The following ADCY8 variants were observed in gnomAD, a reference collection of about 807,000 sequenced individuals.
The protein encoded by ADCY8 is adenylate cyclase 8, also known as adenylate cyclase type 8.
In ADCY8, 51 loss-of-function variants were observed where a neutral mutation model predicts 119.7. That is an observed-to-expected ratio of 0.43 (90% CI 0.34 to 0.54). The LOEUF is 0.54. ADCY8 is among the 20% of genes least tolerant of loss of function. The pLI is 0.03. For missense variants in ADCY8, 1,383 were observed against 1,598.8 expected (o/e 0.87, Z 2.30); for synonymous variants, 665 against 651.0 (o/e 1.02, Z -0.33).
At chr8:130,798,666 A>G (rs1487205445) in intron 15 of ADCY8, among the ~76,000 whole-genome samples, 1 of 152,174 alleles carries the variant, frequency 6.6e-6, no homozygotes, top group East Asian at 1.9e-4. Context: ...GCAGGCAGGG[A>G]GAGCAGATAG....
intron 2 of ADCY8, among the ~76,000 whole-genome samples, chr8:130,967,316 T>C (rs1235412678): frequency 2.0e-5 from 3 of 152,186 alleles, no homozygotes; most frequent in Non-Finnish European, 4.4e-5. Context: ...CCCTAGGAAT[T>C]TTGGTTCTGC....
intron 2 of ADCY8, among the ~76,000 whole-genome samples, 153 bp from the exon 3 acceptor site, chr8:130,952,151 G>T (rs1314287151): frequency 6.6e-6 from 1 of 152,182 alleles, no homozygotes; most frequent in South Asian, 2.1e-4. Context: ...TATTTATTGA[G>T]TACTTATTAT....
chr8:131,026,076 A>T (rs1016544740), intron 1 of ADCY8, among the ~76,000 whole-genome samples: 11 of 152,218 alleles, frequency 7.2e-5, no homozygotes, highest in African/African-American at 1.9e-4. Context: ...TGCATTAATG[A>T]ATGATGGAAG....
At chr8:130,982,581 T>C (rs1053377383) in intron 2 of ADCY8, among the ~76,000 whole-genome samples, 11 of 152,218 alleles carry the variant, frequency 7.2e-5, no homozygotes, top group African/African-American at 2.7e-4. Flanking sequence ...ACAAAATGGT[T>C]TGACAACTTG....
intron 15 of ADCY8, among the ~76,000 whole-genome samples, chr8:130,792,422 T>C (rs1313053169): frequency 1.3e-5 from 2 of 152,236 alleles, no homozygotes; most frequent in Non-Finnish European, 2.9e-5. Flanking sequence ...CTGCATGCCC[T>C]GCCTTGACCT....
chr8:130,868,165 C>G (rs1350517753), intron 8 of ADCY8, among the ~76,000 whole-genome samples: 1 of 152,188 alleles, frequency 6.6e-6, no homozygotes, highest in African/African-American at 2.4e-5. Context: ...TTTGCATGAG[C>G]TTATCCAGTT....
intron 9 of ADCY8, among the ~76,000 whole-genome samples, chr8:130,862,318 A>T (rs1363446903): frequency 1.3e-5 from 2 of 152,104 alleles, no homozygotes; most frequent in Non-Finnish European, 2.9e-5. Flanking sequence ...CTTTTATAAT[A>T]TATGCATTTA....
rs867672271 is a variant in ADCY8, at chr8:130,849,663, G to A, written c.2351C>T (p.Ala784Val). The A allele has an allele frequency of 1.9e-6, 3 of 1,614,082 alleles. No individual in the cohort carries two copies. The highest frequency in any genetic ancestry group is 1.7e-5 in the Admixed American group (1 of 60,026). Residue 784 changes from alanine (A) to valine (V), a missense_variant, in exon 10 of 18, where the codon GCC becomes GTC. Coordinates refer to ENST00000286355, the MANE Select transcript of ADCY8 (RefSeq NM_001115.3). ...TCCWINETYL[A>V]RNVIIFASIL... ...GGATGCAAAGATGATGACGTTCCGG[G>A]CCAAATAGGTCTCATTAATCCAACA...
chr8:130,856,429 G>A (rs1301289388), intron 9 of ADCY8, among the ~76,000 whole-genome samples: 3 of 152,020 alleles, frequency 2.0e-5, no homozygotes, highest in Non-Finnish European at 4.4e-5. Context: ...CAACAGACAC[G>A]GCCGGGCCCT....
chr8:130,836,062 C>T (rs1037708956), intron 12 of ADCY8, among the ~76,000 whole-genome samples: 3 of 152,140 alleles, frequency 2.0e-5, no homozygotes, highest in Non-Finnish European at 4.4e-5. Flanking sequence ...TCAGTCCAAA[C>T]TTTGATTAAT....
intron 2 of ADCY8, among the ~76,000 whole-genome samples, chr8:130,953,057 T>C (rs1325822267): frequency 2.0e-5 from 3 of 152,204 alleles, no homozygotes; most frequent in African/African-American, 4.8e-5. Context: ...TGAATTAAAT[T>C]CTAAAAAGTC....
At position 130,800,459 on chromosome 8, in the gene ADCY8, G is replaced by A. The variant is rs1371851164; in HGVS notation, c.3027C>T (p.Arg1009=). Residue 1009 remains arginine (R), a synonymous_variant, in exon 15 of 18, where the codon CGC becomes CGT. Transcript: ENST00000286355. ...AGTCAGCAATGATCTCATTGAGCAA[G>A]CGCAGGCATTCCACTCCCTGGTTAT... ...EMNNQGVECL[R]LLNEIIADFD... 1.2e-6 allele frequency: 2 copies of A among 1,614,200 alleles called. No homozygotes were observed. The highest frequency in any genetic ancestry group is 1.7e-5 in the Admixed American group (1 of 60,034).
intron 12 of ADCY8, among the ~76,000 whole-genome samples, chr8:130,824,788 A>AT (rs1371385180): frequency 1.3e-5 from 2 of 151,602 alleles, no homozygotes; most frequent in African/African-American, 4.8e-5. Flanking sequence ...GTTTCTTGAA[A>AT]TTTTTTTTTA....
intron 1 of ADCY8, among the ~76,000 whole-genome samples, chr8:130,998,330 A>T (rs1301705161): frequency 1.3e-5 from 2 of 152,206 alleles, no homozygotes; most frequent in Non-Finnish European, 2.9e-5. Context: ...GAAAGAAGTG[A>T]GGGAGTCATC....
At chr8:130,943,497 G>GGGGGGGGGGCCCCCCCCCCCCCC in intron 3 of ADCY8, 35 bp from the exon 4 acceptor site, 1 of 491,350 alleles carries the variant, frequency 2.0e-6, no homozygotes, top group Non-Finnish European at 4.2e-6. Context: ...GTGGGGGGAG[G>GGGGGGGGGGCCCCCCCCCCCCCC]AAGTATATTA....
chr8:131,016,626 A>G (rs967546381), intron 1 of ADCY8, among the ~76,000 whole-genome samples: 1 of 152,170 alleles, frequency 6.6e-6, no homozygotes, highest in Non-Finnish European at 1.5e-5. Flanking sequence ...GGCAGAGGGA[A>G]TAGCCAGTGG....
Position 130,958,808 on chromosome 8 carries a change from T to G in ADCY8, c.1111-6810A>C, listed in dbSNP as rs561794668. Among the ~76,000 whole-genome samples, 89 of 152,334 alleles carry G rather than the reference T, an allele frequency of 5.8e-4. 1 individual carries two copies. The highest frequency in any genetic ancestry group is 2.0e-3 in the African/African-American group (85 of 41,582). On this transcript the variant is annotated intron_variant, in intron 2 of 17. Transcript: ENST00000286355. ...GCCAAACCATATCACACTCTTTTCC[T>G]GTTTTATTTATTTTTTCTTTCTTAG...
At chr8:130,848,337 C>T (rs752182019) in intron 10 of ADCY8, among the ~76,000 whole-genome samples, 1 of 152,192 alleles carries the variant, frequency 6.6e-6, no homozygotes, top group Non-Finnish European at 1.5e-5. Flanking sequence ...GTTATCAAGA[C>T]TTAATTTAAG....
At chr8:130,852,739 T>C (rs1167826335) in intron 9 of ADCY8, among the ~76,000 whole-genome samples, 3 of 151,928 alleles carry the variant, frequency 2.0e-5, no homozygotes, top group African/African-American at 7.3e-5. Context: ...CTTTTTTTTT[T>C]CCTCCCTCAC....
Sources: gnomAD v4.1 joint callset for allele counts (sites outside exome capture counted in the v4.1 genomes callset) on GRCh38, gnomAD v4.1.1 for gene constraint, MANE v1.5 for transcripts, NCBI Gene and HGNC (gene_info 2026-07-23, HGNC 2026-07-21) for gene names.